SPC24: variants seen among roughly 807,000 people sequenced by gnomAD.
The protein encoded by SPC24 is kinetochore protein Spc24.
Under a neutral mutation model 27.6 loss-of-function variants are expected in SPC24, and 31 were observed. The ratio of observed to expected loss-of-function variants is 1.12; its 90% CI spans 0.84 to 1.52. The LOEUF is 1.52. Among genes scored for constraint, SPC24 ranks in the 40% most tolerant of loss-of-function variants. SPC24 has a pLI of 0.00. For synonymous variants in SPC24, 105 were observed against 105.8 expected (o/e 0.99, Z 0.05); for missense variants, 284 against 252.5 (o/e 1.12, Z -0.84).
Position 11,149,257 on chromosome 19 carries a change from C to T in SPC24, c.161-19G>A. The T allele has an allele frequency of 1.3e-6, 2 of 1,505,372 alleles. No homozygotes were observed. Among genetic ancestry groups the T allele is most frequent in the Non-Finnish European group, 1.8e-6 (2 of 1,124,320 alleles). 93.3% of individuals were successfully genotyped at this position (1,505,372 alleles called of 1,614,324 possible). The stretch of plus-strand genomic sequence containing the variant: ...AGGATCTCTGCAGGGTGGAGAGAAG[C>T]AGGCTCCCTAGGGTCTGTCCTTCCC... On this transcript the variant is annotated intron_variant, in intron 1 of 4. Transcript: ENST00000592540.
At chr19:11,147,431 G>A in intron 4 of SPC24, 142 bp from the exon 5 acceptor site, 1 of 607,442 alleles carries the variant, frequency 1.6e-6, no homozygotes, top group Non-Finnish European at 2.9e-6. Context: ...TGCGATCTCG[G>A]CTCATTGCAA....
rs887878048 is a variant in SPC24, at chr19:11,145,876, C to G, written c.*1307G>C. 9.2e-5 allele frequency: 14 copies of G among 152,320 alleles called. No individual in the cohort carries two copies. Among genetic ancestry groups the G allele is most frequent in the Admixed American group, 3.3e-4 (5 of 15,262 alleles). 9.4% of individuals were successfully genotyped at this position (152,320 alleles called of 1,614,324 possible). On this transcript the variant is annotated 3_prime_UTR_variant, in exon 5 of 5. Transcript: ENST00000592540. ...CTGGGAAGTGTTGTATTTTAACTCC[C>G]AAAGTGCTAGGATCACAGGCATGAG...
intron 1 of SPC24, among the ~76,000 whole-genome samples, chr19:11,154,902 T>C (rs2077899540): frequency 6.6e-6 from 1 of 152,112 alleles, no homozygotes; most frequent in Non-Finnish European, 1.5e-5. Flanking sequence ...ATAGTGAAGA[T>C]GGGCCGGACA....
At chr19:11,149,921 A>C (rs2077857632) in intron 1 of SPC24, among the ~76,000 whole-genome samples, 6 of 149,932 alleles carry the variant, frequency 4.0e-5, no homozygotes, top group Admixed American at 4.0e-4. Flanking sequence ...CATGTTGGTC[A>C]GGCTGGTCTC....
intron 2 of SPC24, among the ~76,000 whole-genome samples, chr19:11,148,629 T>A: frequency 6.6e-6 from 1 of 150,882 alleles, no homozygotes; most frequent in East Asian, 2.0e-4. Flanking sequence ...TACAGGTGTG[T>A]ACCACCATGC....
intron 1 of SPC24, among the ~76,000 whole-genome samples, chr19:11,154,354 C>T (rs1006815481): frequency 2.6e-5 from 4 of 152,104 alleles, no homozygotes; most frequent in African/African-American, 9.7e-5. Context: ...GCCTAGCCAA[C>T]ATGGTGAAAC....
At chr19:11,150,276 CAGG>C in intron 1 of SPC24, among the ~76,000 whole-genome samples, 1 of 149,190 alleles carries the variant, frequency 6.7e-6, no homozygotes, top group Non-Finnish European at 1.5e-5. Flanking sequence ...CACCTGAGGT[CAGG>C]AGTTCGAGAC....
chr19:11,151,632 T>G lies in SPC24; in HGVS notation c.161-2394A>C, dbSNP rs1423748465. Among the ~76,000 whole-genome samples, 19 of 138,974 alleles carry G rather than the reference T, an allele frequency of 1.4e-4. 1 individual carries two copies. The South Asian group carries it at 3.1e-3, about 23-fold the overall frequency. 91.2% of individuals were successfully genotyped at this position (138,974 alleles called of 152,430 possible). A position where few individuals can be genotyped will look rare whatever the true frequency, so the allele number is the denominator to read the frequency against. On this transcript the variant is annotated intron_variant, in intron 1 of 4. Coordinates refer to ENST00000592540, the MANE Select transcript of SPC24 (RefSeq NM_182513.4). ...ATACTTTTTTTTTGGGGGGGGGGGA[T>G]GGAGTCTTGCCCTGTCATCCAGGCT...
intron 1 of SPC24, 57 bp downstream of exon 1, chr19:11,155,560 C>T: frequency 6.6e-7 from 1 of 1,504,292 alleles, no homozygotes. Context: ...CTGGTCGCCC[C>T]CTCCCAGCAC....
chr19:11,147,362 CT>C, intron 4 of SPC24, 73 bp from the exon 5 acceptor site: 1 of 1,075,532 alleles, frequency 9.3e-7, no homozygotes. Context: ...AGGATACTGC[CT>C]TTACTTTTTT....
chr19:11,154,533 T>C (rs2077896783), intron 1 of SPC24, among the ~76,000 whole-genome samples: 1 of 152,174 alleles, frequency 6.6e-6, no homozygotes, highest in South Asian at 2.1e-4. Flanking sequence ...AGCGAGGCTC[T>C]GTCTCACAGT....
intron 4 of SPC24, chr19:11,147,602 T>C: frequency 1.7e-6 from 1 of 587,486 alleles, no homozygotes; most frequent in East Asian, 2.9e-5. Flanking sequence ...CCTGCTATAC[T>C]TTACTATATT....
In SPC24 at chr19:11,147,220, C is replaced by T. The variant is rs1317379248; in HGVS notation, c.557G>A (p.Ser186Asn). The change falls in exon 5 of 5, where the codon AGC becomes AAC. Residue 186 changes from serine (S) to asparagine (N), a missense_variant. By Grantham distance (46) the Ser-to-Asn change is conservative. Coordinates refer to ENST00000592540, the MANE Select transcript of SPC24 (RefSeq NM_182513.4). ...GTCCACCAGACTCCAGAGGTAGTCG[C>T]TGATGAATTTCCTGGAGAGCTGGGT... ...DSTQLSRKFI[S>N]DYLWSLVDTE... The T allele has an allele frequency of 2.6e-6, 4 of 1,559,420 alleles. No individual in the cohort carries two copies. The highest frequency in any genetic ancestry group is 3.5e-6 in the Non-Finnish European group (4 of 1,151,220).
At chr19:11,153,533 G>T (rs1027241579) in intron 1 of SPC24, among the ~76,000 whole-genome samples, 1 of 151,548 alleles carries the variant, frequency 6.6e-6, no homozygotes, top group Non-Finnish European at 1.5e-5. Context: ...AGACCGAGGC[G>T]GGCGGATCAC....
intron 1 of SPC24, among the ~76,000 whole-genome samples, chr19:11,153,242 G>A (rs1372598994): frequency 1.3e-5 from 2 of 151,020 alleles, no homozygotes; most frequent in Admixed American, 6.6e-5. Context: ...TCAGGAGATC[G>A]AGACCATCCT....
At chr19:11,150,648 T>C (rs530419694) in intron 1 of SPC24, among the ~76,000 whole-genome samples, 11 of 151,966 alleles carry the variant, frequency 7.2e-5, no homozygotes, top group African/African-American at 2.7e-4. Context: ...CACAAAAAAT[T>C]AGCTGGGCAT....
intron 1 of SPC24, among the ~76,000 whole-genome samples, chr19:11,150,916 C>A (rs1010267738): frequency 3.3e-5 from 5 of 152,190 alleles, no homozygotes; most frequent in African/African-American, 1.2e-4. Flanking sequence ...GTAATCCCAG[C>A]ACTTTGGGAG....
In SPC24 at chr19:11,149,183, C is replaced by T. The variant is rs916189038; in HGVS notation, c.216G>A (p.Gln72=). ...VAQSLLNAKE[Q]VHQGGVELQQ... Reference sequence around the variant, plus strand: ...GCAGCTCCACGCCTCCCTGGTGCACCTGCTCCTTCGCATTGAGAAGGCTCT... The same window carrying T: ...GCAGCTCCACGCCTCCCTGGTGCACTTGCTCCTTCGCATTGAGAAGGCTCT... Residue 72 remains glutamine (Q), a synonymous_variant, in exon 2 of 5, where the codon CAG becomes CAA. Transcript: ENST00000592540. The T allele has an allele frequency of 5.8e-6, 9 of 1,550,788 alleles. No individual in the cohort carries two copies. Among genetic ancestry groups the T allele is most frequent in the Middle Eastern group, 1.8e-4 (1 of 5,480 alleles).
At chr19:11,150,040 A>G (rs2077858726) in intron 1 of SPC24, among the ~76,000 whole-genome samples, 2 of 151,594 alleles carry the variant, frequency 1.3e-5, no homozygotes. Context: ...ACAAAAAATT[A>G]GCCAGGTGTG....
Sources: gnomAD v4.1 joint callset for allele counts (sites outside exome capture counted in the v4.1 genomes callset) on GRCh38, gnomAD v4.1.1 for gene constraint, MANE v1.5 for transcripts, NCBI Gene and HGNC (gene_info 2026-07-23, HGNC 2026-07-21) for gene names.